The following LINGO1 variants were observed in gnomAD, a reference collection of about 807,000 sequenced individuals.
The protein encoded by LINGO1 is leucine-rich repeat and immunoglobulin-like domain-containing nogo receptor-interacting protein 1.
Under a neutral mutation model 37.3 loss-of-function variants are expected in LINGO1, and 11 were observed. That is an observed-to-expected ratio of 0.29 (90% CI 0.19 to 0.49). LINGO1 has a LOEUF of 0.49. LINGO1 is among the 20% of genes least tolerant of loss of function. The pLI, the probability that LINGO1 is intolerant of heterozygous loss-of-function variation, is 0.99. For missense variants in LINGO1, 585 were observed against 878.2 expected (o/e 0.67, Z 4.22); for synonymous variants, 387 against 403.0 (o/e 0.96, Z 0.48).
At chr15:77,621,581 G>GT (rs1189707322) in intron 1 of LINGO1, among the ~76,000 whole-genome samples, 2 of 152,192 alleles carry the variant, frequency 1.3e-5, no homozygotes, top group African/African-American at 4.8e-5. Context: ...CCAGGGGAGG[G>GT]GCTGTCCTGT....
intron 3 of LINGO1, among the ~76,000 whole-genome samples, chr15:77,664,137 G>GTGTGTGTGTA (rs936787266): frequency 2.0e-4 from 24 of 122,766 alleles, no homozygotes; most frequent in Admixed American, 1.1e-3. Flanking sequence ...AGCAGTGTGT[G>GTGTGTGTGTA]TGTGTGTGTG....
At chr15:77,654,959 C>G (rs757084858) in intron 3 of LINGO1, among the ~76,000 whole-genome samples, 1 of 152,200 alleles carries the variant, frequency 6.6e-6, no homozygotes, top group Non-Finnish European at 1.5e-5. Flanking sequence ...CTCAAGGGAA[C>G]AAAGCCAGAC....
chr15:77,633,218 G>A (rs1335992924), upstream of LINGO1, among the ~76,000 whole-genome samples: 7 of 152,084 alleles, frequency 4.6e-5, no homozygotes, highest in African/African-American at 7.3e-5. Context: ...CGGGCCAGCC[G>A]GGTGTCGGGG....
intron 1 of LINGO1, among the ~76,000 whole-genome samples, chr15:77,777,652 C>G (rs754350948): frequency 2.6e-5 from 4 of 152,196 alleles, no homozygotes; most frequent in Non-Finnish European, 4.4e-5. Context: ...CTCAGCCAGG[C>G]TCAGTGGCTC....
At chr15:77,693,642 C>G (rs934646963) in intron 1 of LINGO1, among the ~76,000 whole-genome samples, 1 of 152,150 alleles carries the variant, frequency 6.6e-6, no homozygotes, top group African/African-American at 2.4e-5. Flanking sequence ...AGATTGAACT[C>G]AAGGGGATCA....
chr15:77,736,472 A>G (rs1388627238), intron 1 of LINGO1, among the ~76,000 whole-genome samples: 1 of 152,070 alleles, frequency 6.6e-6, no homozygotes, highest in African/African-American at 2.4e-5. Context: ...TAGATGAGAA[A>G]CTGAAGTGGG....
At chr15:77,694,101 G>A (rs1249921754) in intron 1 of LINGO1, among the ~76,000 whole-genome samples, 1 of 152,150 alleles carries the variant, frequency 6.6e-6, no homozygotes, top group Non-Finnish European at 1.5e-5. Context: ...TAAAAGGGGA[G>A]GTTGATTTCT....
rs114479487 is a variant in LINGO1, at chr15:77,683,209, G to A, written c.-98-6035C>T. ...ATTTTTCTAGATCGGCAAATATCCG[G>A]AAGATTGAGAATGTTCAATGTGGAG... On this transcript the variant is annotated intron_variant, in intron 2 of 3. Transcript: ENST00000559893. Among the ~76,000 whole-genome samples the A allele has an allele frequency of 5.1e-3, 775 of 152,270 alleles. 6 individuals are homozygous for A. The highest frequency in any genetic ancestry group is 0.018 in the African/African-American group (746 of 41,554).
At chr15:77,630,995 G>C (rs2074238568) in intron 1 of LINGO1, among the ~76,000 whole-genome samples, 1 of 152,316 alleles carries the variant, frequency 6.6e-6, no homozygotes, top group African/African-American at 2.4e-5. Flanking sequence ...TGAGGATTTT[G>C]AGCTCCTCCC....
In LINGO1 at chr15:77,718,845, G is replaced by A. The variant is rs533762187; in HGVS notation, c.-195+16147C>T. Among the ~76,000 whole-genome samples the A allele has an allele frequency of 6.6e-5, 10 of 150,950 alleles. 1 individual carries two copies. In the South Asian group the frequency reaches 1.9e-3, roughly 29 times the overall value. Reference sequence around the variant, plus strand: ...TGGTCCATGTACTCTGTGGGCTACCGGGGCCTCCCTGACTGCCACAGCATC... The same window carrying A: ...TGGTCCATGTACTCTGTGGGCTACCAGGGCCTCCCTGACTGCCACAGCATC... On this transcript the variant is annotated intron_variant, in intron 2 of 3. Transcript: ENST00000561686.
chr15:77,700,468 C>T (rs144037831), upstream of LINGO1, among the ~76,000 whole-genome samples: 529 of 152,198 alleles, frequency 3.5e-3, 1 homozygote, highest in African/African-American at 0.012. Flanking sequence ...TAAAGCGTTT[C>T]GGGCACATAC....
intron 1 of LINGO1, among the ~76,000 whole-genome samples, chr15:77,619,672 GCAAGACT>G (rs2073856656): frequency 6.6e-6 from 1 of 150,810 alleles, no homozygotes; most frequent in Admixed American, 6.6e-5. Flanking sequence ...GGGCAACAGA[GCAAGACT>G]CTCCATCTGT....
chr15:77,767,634 T>C (rs1437272034), intron 1 of LINGO1, among the ~76,000 whole-genome samples: 2 of 152,094 alleles, frequency 1.3e-5, no homozygotes, highest in Non-Finnish European at 2.9e-5. Context: ...AGGGAGAGAA[T>C]TTCTTCAAGA....
upstream of LINGO1, among the ~76,000 whole-genome samples, chr15:77,788,974 C>T (rs141855883): frequency 2.5e-3 from 388 of 152,294 alleles, 2 homozygotes; most frequent in Middle Eastern, 0.014. Context: ...CTCAGGGAAG[C>T]CCTGGTCCTG....
intron 1 of LINGO1, among the ~76,000 whole-genome samples, chr15:77,628,651 T>A (rs1487661621): frequency 6.6e-6 from 1 of 152,188 alleles, no homozygotes; most frequent in African/African-American, 2.4e-5. Flanking sequence ...GGATTGCTGG[T>A]GTTTAAGTTG....
Position 77,735,323 on chromosome 15 carries a change from G to T in LINGO1, c.-256-270C>A, listed in dbSNP as rs560560305. Among the ~76,000 whole-genome samples the T allele has an allele frequency of 3.9e-5, 6 of 152,340 alleles. No individual in the cohort carries two copies. The South Asian group carries it at 1.2e-3, about 32-fold the overall frequency. The stretch of plus-strand genomic sequence containing the variant: ...GGGATTCAGGCACCCGCACAGCCCC[G>T]GAGGACATACAAACTAGACTTGCAG... On this transcript the variant is annotated intron_variant, in intron 1 of 3. Coordinates refer to the LINGO1 transcript ENST00000561686.
chr15:77,748,909 CTTTTTTT>C (rs67399483), intron 1 of LINGO1, among the ~76,000 whole-genome samples: 1,816 of 87,846 alleles, frequency 0.021, 55 homozygotes, highest in African/African-American at 0.073. Flanking sequence ...CCTTCCTTCT[CTTTTTTT>C]TTTTTTTTTT....
chr15:77,677,763 C>T (rs1339037696), intron 2 of LINGO1, among the ~76,000 whole-genome samples: 2 of 152,156 alleles, frequency 1.3e-5, no homozygotes, highest in Non-Finnish European at 2.9e-5. Flanking sequence ...TTCTTCACTA[C>T]ACCCCCATCA....
chr15:77,807,999 G>C (rs998781280), intron 1 of LINGO1, among the ~76,000 whole-genome samples: 1 of 152,122 alleles, frequency 6.6e-6, no homozygotes, highest in Non-Finnish European at 1.5e-5. Flanking sequence ...AGGAGGCAGG[G>C]AATGGGGTGG....
Sources: gnomAD v4.1 joint callset for allele counts (sites outside exome capture counted in the v4.1 genomes callset) on GRCh38, gnomAD v4.1.1 for gene constraint, MANE v1.5 for transcripts, NCBI Gene and HGNC (gene_info 2026-07-23, HGNC 2026-07-21) for gene names.